Variants in CFAP74 observed in about 807,000 individuals in gnomAD.
The protein encoded by CFAP74 is cilia and flagella associated protein 74.
CFAP74 carries 124 observed loss-of-function variants against 188.9 expected under a neutral mutation model. That is an observed-to-expected ratio of 0.66 (90% confidence interval 0.57 to 0.76). CFAP74 has a LOEUF of 0.76. CFAP74 is among the 30% of genes least tolerant of loss of function. CFAP74 has a pLI of 0.00. For missense variants in CFAP74, 2,198 were observed against 2,165.2 expected, an observed-to-expected ratio of 1.02 and a Z score of -0.30; for synonymous variants, 956 against 916.7, an observed-to-expected ratio of 1.04 and a Z score of -0.77.
At chr1:1,929,631 G>T (rs941724270) in intron 26 of CFAP74, among the ~76,000 whole-genome samples, 2 of 151,860 alleles carry the variant, frequency 1.3e-5, no homozygotes, top group East Asian at 3.9e-4. Flanking sequence ...CGAAGGCCCT[G>T]CCAGGCCCAG....
intron 26 of CFAP74, 74 bp from the exon 27 acceptor site, chr1:1,928,956 C>G: frequency 1.0e-6 from 1 of 991,586 alleles, no homozygotes; most frequent in Non-Finnish European, 1.5e-6. Flanking sequence ...GGGCACTCTA[C>G]CGTCCTCTGC....
chr1:1,955,454 C>G, intron 18 of CFAP74: 19 of 1,547,124 alleles, frequency 1.2e-5, no homozygotes, highest in Non-Finnish European at 1.7e-5. Context: ...TGGGCCAATG[C>G]TGGAGGTGCC....
At position 1,923,757 on chromosome 1, in the gene CFAP74, G is replaced by A; in HGVS notation, c.4389+18C>T. 2 of 1,613,152 alleles carry A rather than the reference G, an allele frequency of 1.2e-6. No homozygotes were observed. Among genetic ancestry groups the A allele is most frequent in the Non-Finnish European group, 1.7e-6 (2 of 1,179,830 alleles). Reference sequence around the variant, plus strand: ...GCCAGGGCCGGGCCGGGCTGAGCTTGCAGAGCCAGAGCCGCACCTTTTCAA... The same window carrying A: ...GCCAGGGCCGGGCCGGGCTGAGCTTACAGAGCCAGAGCCGCACCTTTTCAA... On this transcript the variant is annotated intron_variant, in intron 35 of 38. Transcript: ENST00000682832. This position sits in a 1 kb window ranked among gnomAD's most constrained non-coding sequence, Gnocchi z 6.3.
Position 1,922,223 on chromosome 1 carries a change from GC to G in CFAP74, c.*63del. The G allele has an allele frequency of 8.1e-7, 1 of 1,233,072 alleles. No homozygotes were observed. Among genetic ancestry groups the G allele is most frequent in the Non-Finnish European group, 1.2e-6 (1 of 848,618 alleles). 76.4% of individuals were successfully genotyped at this position (1,233,072 alleles called of 1,614,324 possible). A position where few individuals can be genotyped will look rare whatever the true frequency, so the allele number is the denominator to read the frequency against. On this transcript the variant is annotated 3_prime_UTR_variant, in exon 39 of 39. Transcript: ENST00000682832. ...CCAGGCTCTAGGGTAGTATGACCTG[GC>G]CCTCAGCCTGGGGAGGGCTTTGAGG...
At position 1,926,322 on chromosome 1, in the gene CFAP74, T is replaced by C. The variant is rs1351250658; in HGVS notation, c.3854A>G (p.Asn1285Ser). Residue 1285 changes from asparagine to serine, a missense_variant, in exon 32 of 39, where the codon AAC becomes AGC. Transcript: ENST00000682832. ...LALDFSLLNP[N>S]GPFVLLNHSS... The stretch of plus-strand genomic sequence containing the variant: ...GTGGTTCAGCAGGACAAAGGGGCCG[T>C]TGGGGTTCAGCAGGGAGAAGTCCAG... 12 of 1,547,702 alleles carry C rather than the reference T, an allele frequency of 7.8e-6. 1 individual carries two copies. The highest frequency in any genetic ancestry group is 7.2e-5 in the South Asian group (6 of 83,716).
At chr1:1,986,495 T>C (rs1006062385) in intron 5 of CFAP74, among the ~76,000 whole-genome samples, 1 of 152,122 alleles carries the variant, frequency 6.6e-6, no homozygotes, top group African/African-American at 2.4e-5. Context: ...AGGCACCTGG[T>C]GCCCCCAGAG....
At chr1:1,934,619 T>C (rs574643205) in intron 25 of CFAP74, among the ~76,000 whole-genome samples, 45 of 133,858 alleles carry the variant, frequency 3.4e-4, no homozygotes, top group African/African-American at 1.1e-3. Flanking sequence ...GTGTGTTAGG[T>C]TGTAGGTACA....
chr1:1,965,466 C>T (rs971210770), intron 12 of CFAP74, among the ~76,000 whole-genome samples: 9 of 152,216 alleles, frequency 5.9e-5, no homozygotes, highest in Non-Finnish European at 1.3e-4. Flanking sequence ...TGTCAGCACA[C>T]ACTGGGCTTT....
At chr1:1,930,433 G>C (rs981039145) in intron 25 of CFAP74, 97 bp from the exon 26 acceptor site, 6 of 1,264,006 alleles carry the variant, frequency 4.7e-6, no homozygotes, top group Middle Eastern at 4.6e-4. Flanking sequence ...AAGCCCCGGG[G>C]GGGGCTCACA....
At chr1:1,954,798 T>C (rs995930313) in intron 18 of CFAP74, 3 of 1,098,346 alleles carry the variant, frequency 2.7e-6, no homozygotes, top group Non-Finnish European at 3.3e-6. Flanking sequence ...AGAACTCACT[T>C]TGGTATTAGC....
intron 1 of CFAP74, among the ~76,000 whole-genome samples, chr1:1,992,346 T>A (rs1657633784): frequency 6.6e-6 from 1 of 152,098 alleles, no homozygotes; most frequent in Non-Finnish European, 1.5e-5. Flanking sequence ...AAATTATTGG[T>A]TGAGATGGTG....
chr1:1,961,928 G>A (rs989501455), intron 14 of CFAP74, among the ~76,000 whole-genome samples: 4 of 152,232 alleles, frequency 2.6e-5, no homozygotes, highest in Admixed American at 6.5e-5. Context: ...CAGAGCCCAC[G>A]CGCCCCTGGG....
At chr1:1,924,888 ACGCCCGTCTCGGGCTCTGCCTCCAGGACC>A in intron 33 of CFAP74, among the ~76,000 whole-genome samples, 1 of 152,086 alleles carries the variant, frequency 6.6e-6, no homozygotes, top group Admixed American at 6.5e-5. Context: ...TCTCCATGCA[ACGCCCGTCTCGGGCTCTGCCTCCAGGACC>A]CGCCCTGAGC....
chr1:1,949,063 CCTTCCTTT>C (rs1446112433), intron 18 of CFAP74, among the ~76,000 whole-genome samples: 2 of 132,424 alleles, frequency 1.5e-5, no homozygotes, highest in Admixed American at 7.7e-5. Context: ...TTCCTTCCTT[CCTTCCTTT>C]CCTTTCCCTC....
chr1:1,988,827 C>T, intron 3 of CFAP74, 62 bp downstream of exon 3: 1 of 424,548 alleles, frequency 2.4e-6, no homozygotes, highest in Non-Finnish European at 4.2e-6. Flanking sequence ...CACCCACCCC[C>T]CCACCCCCAC....
At position 1,987,010 on chromosome 1, in the gene CFAP74, T is replaced by C. The variant is rs1266902129; in HGVS notation, c.322A>G (p.Arg108Gly). The change falls in exon 5 of 39, where the codon AGG becomes GGG. Residue 108 changes from arginine (R) to glycine (G), a missense_variant. Arg to Gly is a moderately radical substitution (Grantham distance 125). Transcript: ENST00000682832. ...TGCTGCTTGTCGATCAGGTCCCGCC[T>C]CTGCCGACAGGCGCGCAGCTCCCCT... The part of the protein sequence containing the change: ...MRGELRACRQ[R>G]RDLIDKQQEA... 1.3e-6 allele frequency: 2 copies of C among 1,598,646 alleles called. No homozygotes were observed. Among genetic ancestry groups the C allele is most frequent in the South Asian group, 1.1e-5 (1 of 90,670 alleles).
At chr1:1,934,165 G>A (rs1191610665) in intron 25 of CFAP74, among the ~76,000 whole-genome samples, 28 of 152,234 alleles carry the variant, frequency 1.8e-4, no homozygotes, top group Admixed American at 1.8e-3. Context: ...ACTGGGTACA[G>A]CAGCATGGTG....
At chr1:1,936,116 C>T (rs531795452) in intron 25 of CFAP74, among the ~76,000 whole-genome samples, 4 of 151,138 alleles carry the variant, frequency 2.6e-5, no homozygotes, top group Non-Finnish European at 5.9e-5. Flanking sequence ...ACTCAGGAGG[C>T]TGAGGCAGGA....
At chr1:1,940,879 G>A (rs1349752620) in intron 22 of CFAP74, among the ~76,000 whole-genome samples, 1 of 152,228 alleles carries the variant, frequency 6.6e-6, no homozygotes, top group Non-Finnish European at 1.5e-5. Flanking sequence ...TTGGGAGGCT[G>A]AGGCGCGCGG....
Sources: allele counts gnomAD v4.1 joint callset (sites outside exome capture counted in the v4.1 genomes callset), GRCh38; gene constraint gnomAD v4.1.1; non-coding constraint Gnocchi (gnomAD v3.1); transcripts MANE v1.5; gene names NCBI Gene and HGNC (gene_info 2026-07-23, HGNC 2026-07-21).